The following RIC1 variants were observed in gnomAD, a reference collection of about 807,000 sequenced individuals.
The protein encoded by RIC1 is guanine nucleotide exchange factor subunit RIC1.
RIC1 carries 88 observed loss-of-function variants against 169.0 expected under a neutral mutation model. The observed-to-expected ratio is 0.52, with a 90% CI of 0.44 to 0.62. The LOEUF (loss-of-function observed/expected upper bound fraction) is 0.62, where lower values mean the gene tolerates loss of function less well. RIC1 is among the 20% of genes least tolerant of loss of function. RIC1 has a pLI of 0.00. For synonymous variants in RIC1, 790 were observed against 601.5 expected (o/e 1.31, Z -4.59); for missense variants, 1,877 against 1,725.5 (o/e 1.09, Z -1.56).
rs202185566 is a variant in RIC1 at position 5,763,219 on chromosome 9, G to A, written c.2192G>A (p.Arg731His). 18 of 1,613,924 alleles carry A rather than the reference G, an allele frequency of 1.1e-5. No homozygotes were observed. Among genetic ancestry groups the A allele is most frequent in the African/African-American group, 6.7e-5 (5 of 74,860 alleles). Residue 731 changes from arginine to histidine, a missense_variant, in exon 19 of 26, where the codon CGT (arginine) becomes CAT (histidine). Physicochemically the swap from Arg to His is conservative, Grantham distance 29. This residue lies in a region of RIC1 where 1,104 missense variants were observed against 992.0 expected (regional missense o/e 1.11). Coordinates refer to ENST00000414202, the MANE Select transcript of RIC1 (RefSeq NM_020829.4). This position sits in a 1 kb window ranked among gnomAD's most constrained non-coding sequence, Gnocchi z 5.2. ...ACGTGTCGAGCAAATAAACAGAAAC[G>A]TCACCTTCTGGAGGCCCTCTGGCTG... ...WTTCRANKQK[R>H]HLLEALWLSC...
chr9:5,685,583 C>T (rs1383377100), intron 2 of RIC1, among the ~76,000 whole-genome samples: 2 of 151,192 alleles, frequency 1.3e-5, no homozygotes, highest in African/African-American at 4.9e-5. Context: ...ATGTAGAAAG[C>T]TGAAACTGGA....
At chr9:5,749,580 C>A (rs945901377) in intron 12 of RIC1, among the ~76,000 whole-genome samples, 1 of 152,008 alleles carries the variant, frequency 6.6e-6, no homozygotes. Flanking sequence ...CCAACTAATT[C>A]TGCTGCTTGT....
chr9:5,680,037 G>A (rs1322986300), intron 2 of RIC1, among the ~76,000 whole-genome samples: 1 of 152,082 alleles, frequency 6.6e-6, no homozygotes, highest in Non-Finnish European at 1.5e-5. Context: ...TTTATTGAGA[G>A]TTTTTAGCAT....
chr9:5,641,951 T>C (rs1818274279), intron 1 of RIC1, among the ~76,000 whole-genome samples: 1 of 144,062 alleles, frequency 6.9e-6, no homozygotes, highest in South Asian at 2.1e-4. Context: ...GGTGGGGTCA[T>C]GTTTTCCTGG....
At chr9:5,661,400 A>G (rs778442227) in intron 2 of RIC1, among the ~76,000 whole-genome samples, 3 of 152,168 alleles carry the variant, frequency 2.0e-5, no homozygotes, top group Non-Finnish European at 4.4e-5. Flanking sequence ...TGGGGATAGC[A>G]TTGAATCTAT....
At position 5,683,785 on chromosome 9, in the gene RIC1, G is replaced by C. The variant is rs373631569; in HGVS notation, c.253-6174G>C. Among the ~76,000 whole-genome samples the C allele has an allele frequency of 7.9e-5, 12 of 152,304 alleles. No homozygotes were observed. The East Asian group carries it at 2.1e-3, about 27-fold the overall frequency. On this transcript the variant is annotated intron_variant, in intron 2 of 25. Coordinates refer to ENST00000414202, the MANE Select transcript of RIC1 (RefSeq NM_020829.4). ...AAGGCGGGCCTCCTTGAGCTGTGGTGGGCTCCACCCAGTTCAACTTCCCGG... is the reference window on the plus strand; with the variant it reads ...AAGGCGGGCCTCCTTGAGCTGTGGTCGGCTCCACCCAGTTCAACTTCCCGG...
At chr9:5,765,327 T>C in intron 19 of RIC1, 87 bp from the exon 20 acceptor site, 2 of 1,415,382 alleles carry the variant, frequency 1.4e-6, no homozygotes, top group South Asian at 2.7e-5. Flanking sequence ...CTACATTCTT[T>C]GAGTTTAGAA....
intron 1 of RIC1, among the ~76,000 whole-genome samples, chr9:5,638,414 G>T (rs758212019): frequency 1.3e-5 from 2 of 152,170 alleles, no homozygotes; most frequent in Non-Finnish European, 2.9e-5. Context: ...AGTTTCAGTA[G>T]TATTGGTGTT....
At chr9:5,714,097 T>C in intron 4 of RIC1, 94 bp downstream of exon 4, 1 of 723,560 alleles carries the variant, frequency 1.4e-6, no homozygotes, top group South Asian at 2.3e-5. Context: ...GTTTAATTTC[T>C]TTTAATTCAA....
At chr9:5,644,985 C>A (rs911582229) in intron 1 of RIC1, among the ~76,000 whole-genome samples, 1 of 152,160 alleles carries the variant, frequency 6.6e-6, no homozygotes, top group Non-Finnish European at 1.5e-5. Context: ...AAATGTTTGG[C>A]ATGATTTCAT....
intron 3 of RIC1, among the ~76,000 whole-genome samples, chr9:5,693,635 A>G (rs138958368): frequency 1.3e-5 from 2 of 152,306 alleles, no homozygotes; most frequent in East Asian, 3.9e-4. Flanking sequence ...TTTTAGTGAA[A>G]TTAATGAAGG....
intron 3 of RIC1, among the ~76,000 whole-genome samples, chr9:5,712,629 T>A (rs1423183481): frequency 6.6e-6 from 1 of 152,244 alleles, no homozygotes; most frequent in African/African-American, 2.4e-5. Flanking sequence ...TTTCTAGCCC[T>A]ATTTGAATTT....
chr9:5,645,853 T>C (rs2130356705), intron 1 of RIC1, among the ~76,000 whole-genome samples: 1 of 152,322 alleles, frequency 6.6e-6, no homozygotes, highest in African/African-American at 2.4e-5. Flanking sequence ...ATAATGCTGC[T>C]GTGAACATGG....
intron 1 of RIC1, among the ~76,000 whole-genome samples, chr9:5,654,133 G>A (rs919964767): frequency 3.3e-5 from 5 of 151,930 alleles, no homozygotes; most frequent in Admixed American, 2.0e-4. Context: ...TGAGTAGCTG[G>A]GACTACAGGT....
intron 5 of RIC1, 82 bp downstream of exon 5, chr9:5,720,406 C>G (rs1319606024): frequency 4.3e-6 from 6 of 1,388,324 alleles, no homozygotes. Flanking sequence ...ATGAACACTT[C>G]TTTGGAATTA....
chr9:5,719,915 T>G lies in RIC1; in HGVS notation c.441-267T>G, dbSNP rs977122188. Among the ~76,000 whole-genome samples the G allele has an allele frequency of 5.3e-5, 8 of 152,204 alleles. No individual in the cohort carries two copies. The East Asian group carries it at 1.5e-3, about 29-fold the overall frequency. On this transcript the variant is annotated intron_variant, in intron 4 of 25. Coordinates refer to ENST00000414202, the MANE Select transcript of RIC1 (RefSeq NM_020829.4). ...TCTGCTATCACTTCTGTTTCCATCT[T>G]CTAATTTGCTGTTTCAATATTTGTA...
At chr9:5,639,864 C>G (rs765369907) in intron 1 of RIC1, among the ~76,000 whole-genome samples, 1 of 152,132 alleles carries the variant, frequency 6.6e-6, no homozygotes, top group Non-Finnish European at 1.5e-5. Flanking sequence ...GTCTTGAAAT[C>G]TATTTTGTCA....
chr9:5,738,799 A>T (rs372377171), intron 8 of RIC1, among the ~76,000 whole-genome samples: 3 of 152,036 alleles, frequency 2.0e-5, no homozygotes, highest in African/African-American at 7.2e-5. Context: ...TAGGCTTCCT[A>T]TCAGTTTCAC....
At chr9:5,630,021 C>G (rs535569940) in intron 1 of RIC1, among the ~76,000 whole-genome samples, 1 of 152,326 alleles carries the variant, frequency 6.6e-6, no homozygotes, top group Admixed American at 6.5e-5. Flanking sequence ...CCCTTCCCCA[C>G]TTTCGAGTTG....
Sources: gnomAD v4.1 joint callset for allele counts (sites outside exome capture counted in the v4.1 genomes callset) on GRCh38, gnomAD v4.1.1 for gene constraint, gnomAD v4.1.1 regional missense constraint, Gnocchi (gnomAD v3.1) non-coding constraint, MANE v1.5 for transcripts, NCBI Gene and HGNC (gene_info 2026-07-23, HGNC 2026-07-21) for gene names.